Variants in CADPS observed in about 807,000 individuals in gnomAD.
The protein encoded by CADPS is calcium-dependent secretion activator 1.
In CADPS, 57 loss-of-function variants were observed where a neutral mutation model predicts 167.3. The observed-to-expected ratio is 0.34, with a 90% confidence interval of 0.28 to 0.42. The LOEUF is 0.42. Ranked by LOEUF, CADPS falls within the 20% of genes least tolerant of loss-of-function variation. The pLI is 1.00. For missense variants in CADPS, 1,414 were observed against 1,738.1 expected (o/e 0.81, Z 3.32); for synonymous variants, 676 against 635.3 (o/e 1.06, Z -0.96).
intron 3 of CADPS, among the ~76,000 whole-genome samples, chr3:62,721,134 T>TTTTTTTTTTTTTTTAAAAAAAA (rs1564299138): frequency 8.6e-6 from 1 of 116,218 alleles, no homozygotes; most frequent in Non-Finnish European, 1.7e-5. Context: ...TTTTTTTTTT[T>TTTTTTTTTTTTTTTAAAAAAAA]AAAAAAAAAA....
At chr3:62,445,721 A>C (rs953402384) in intron 27 of CADPS, 44 bp downstream of exon 27, 3 of 1,397,886 alleles carry the variant, frequency 2.1e-6, no homozygotes, top group Non-Finnish European at 2.9e-6. Flanking sequence ...TGAAAAAAAA[A>C]AAAAACAAAA....
intron 1 of CADPS, among the ~76,000 whole-genome samples, chr3:62,852,260 C>T (rs1294854198): frequency 1.3e-5 from 2 of 151,798 alleles, no homozygotes; most frequent in East Asian, 3.9e-4. Flanking sequence ...CGTCTGAAGC[C>T]TTCTTCTCTC....
At chr3:62,570,762 G>C in intron 9 of CADPS, 110 bp downstream of exon 9, 1 of 768,714 alleles carries the variant, frequency 1.3e-6, no homozygotes, top group Non-Finnish European at 2.2e-6. Flanking sequence ...AATTCATTAA[G>C]CTAAATGCAT....
In CADPS at chr3:62,438,079, C is replaced by A. The variant is rs547854639; in HGVS notation, c.3777+25G>T. 2 of 1,515,020 alleles carry A rather than the reference C, an allele frequency of 1.3e-6. No individual in the cohort carries two copies. Among genetic ancestry groups the A allele is most frequent in the African/African-American group, 2.7e-5 (2 of 72,804 alleles). The allele number at this position is 1,515,020 out of a possible 1,614,324, so 93.8% of individuals were successfully genotyped here. On this transcript the variant is annotated intron_variant, in intron 28 of 29. Coordinates refer to ENST00000383710, the MANE Select transcript of CADPS (RefSeq NM_003716.4). This position sits in a 1 kb window ranked among gnomAD's most constrained non-coding sequence, Gnocchi z 4.7. ...TTTGGAGGGTCTCCTCCTTGGTTTTCAAGGAGGAGAAGGCATTTACTTACA... is the reference window on the plus strand; with the variant it reads ...TTTGGAGGGTCTCCTCCTTGGTTTTAAAGGAGGAGAAGGCATTTACTTACA...
intron 3 of CADPS, among the ~76,000 whole-genome samples, chr3:62,749,882 T>C (rs1170424995): frequency 6.6e-6 from 1 of 152,236 alleles, no homozygotes; most frequent in Non-Finnish European, 1.5e-5. Flanking sequence ...GGGCACTGTC[T>C]ACTGCCACCG....
intron 1 of CADPS, among the ~76,000 whole-genome samples, chr3:62,867,764 G>A (rs1812677): frequency 0.58 from 88,504 of 151,840 alleles, 26,559 homozygotes; most frequent in African/African-American, 0.67. Context: ...AACAAGAGCT[G>A]ACACTTGTAT....
At chr3:62,761,772 G>A (rs1415085910) in intron 2 of CADPS, among the ~76,000 whole-genome samples, 1 of 152,084 alleles carries the variant, frequency 6.6e-6, no homozygotes, top group Non-Finnish European at 1.5e-5. Flanking sequence ...GGAACACAGA[G>A]AAATGGCTCT....
intron 9 of CADPS, among the ~76,000 whole-genome samples, chr3:62,559,388 A>G (rs2078746142): frequency 6.6e-6 from 1 of 152,186 alleles, no homozygotes; most frequent in Non-Finnish European, 1.5e-5. Context: ...GATTCCAAGT[A>G]CAGTACCAGG....
At chr3:62,742,746 A>G (rs975941974) in intron 3 of CADPS, among the ~76,000 whole-genome samples, 1 of 152,234 alleles carries the variant, frequency 6.6e-6, no homozygotes, top group Non-Finnish European at 1.5e-5. Context: ...CACCAAAAGC[A>G]ATTGCAACAA....
chr3:62,466,308 A>G lies in CADPS; in HGVS notation c.3552+31T>C, dbSNP rs2293588. ...GAGACATAACAAAGCAGTGTTCACA[A>G]TGAAACATTTCACCTGAAGCTGGAG... On this transcript the variant is annotated intron_variant, in intron 25 of 29. Transcript: ENST00000383710. The G allele has an allele frequency of 1.4e-3, 2,091 of 1,475,640 alleles. 24 individuals are homozygous for G. In the Admixed American group the frequency reaches 0.023, roughly 16 times the overall value. 91.4% of individuals were successfully genotyped at this position (1,475,640 alleles called of 1,614,324 possible).
rs1423579913 is a variant in CADPS at position 62,662,406 on chromosome 3, C to A, written c.889-12G>T. ...TCTGGATTGTCCAGCTGCACAAAAGCACAGACATTGAGACTTTTAGTTTGG... is the reference window on the plus strand; with the variant it reads ...TCTGGATTGTCCAGCTGCACAAAAGAACAGACATTGAGACTTTTAGTTTGG... On this transcript the variant is annotated splice_polypyrimidine_tract_variant and intron_variant, in intron 3 of 29. Coordinates refer to ENST00000383710, the MANE Select transcript of CADPS (RefSeq NM_003716.4). 1 of 1,613,232 alleles carries A rather than the reference C, an allele frequency of 6.2e-7. No homozygotes were observed. Among genetic ancestry groups the A allele is most frequent in the East Asian group, 2.2e-5 (1 of 44,826 alleles).
Position 62,412,471 on chromosome 3 carries a change from C to A in CADPS, c.3778-9286G>T, listed in dbSNP as rs1174090343. 6.6e-6 allele frequency among the ~76,000 whole-genome samples: 1 copy of A among 152,044 alleles called. No homozygotes were observed. The highest frequency in any genetic ancestry group is 2.4e-5 in the African/African-American group (1 of 41,420). ...AAATTATTACTGCTTAAAATATTTG[C>A]TGCTTCTGTGGGAAGGTATAAGGGA... On this transcript the variant is annotated intron_variant, in intron 28 of 29. Coordinates refer to ENST00000383710, the MANE Select transcript of CADPS (RefSeq NM_003716.4). This position sits in a 1 kb window ranked among gnomAD's most constrained non-coding sequence, Gnocchi z 4.1.
chr3:62,791,211 T>A (rs1000073594), intron 1 of CADPS, among the ~76,000 whole-genome samples: 4 of 152,192 alleles, frequency 2.6e-5, no homozygotes, highest in African/African-American at 9.6e-5. Flanking sequence ...GCAATGGGAC[T>A]TTTTGGAATG....
At chr3:62,461,042 A>T (rs1254502642) in intron 26 of CADPS, among the ~76,000 whole-genome samples, 1 of 152,138 alleles carries the variant, frequency 6.6e-6, no homozygotes, top group African/African-American at 2.4e-5. Context: ...GGCTACTCCT[A>T]CATCTTTATT....
At chr3:62,564,281 G>A (rs374628796) in intron 9 of CADPS, among the ~76,000 whole-genome samples, 30 of 152,116 alleles carry the variant, frequency 2.0e-4, no homozygotes, top group Admixed American at 5.2e-4. Context: ...GATTACAGGC[G>A]TGAACCACCG....
intron 2 of CADPS, among the ~76,000 whole-genome samples, chr3:62,762,732 G>A (rs1446433885): frequency 6.6e-6 from 1 of 151,756 alleles, no homozygotes; most frequent in African/African-American, 2.4e-5. Flanking sequence ...TTTTATATCA[G>A]GGACTTGAGC....
chr3:62,838,380 T>A (rs955240710), intron 1 of CADPS, among the ~76,000 whole-genome samples: 3 of 152,158 alleles, frequency 2.0e-5, no homozygotes, highest in Non-Finnish European at 4.4e-5. Context: ...ATAAGCCATA[T>A]GATATTCTCA....
At chr3:62,414,929 T>G (rs1168327194) in intron 28 of CADPS, among the ~76,000 whole-genome samples, 3 of 150,736 alleles carry the variant, frequency 2.0e-5, no homozygotes, top group African/African-American at 7.3e-5. Flanking sequence ...TGGGCCTTCC[T>G]CTGGGCCAGA....
chr3:62,714,010 C>G (rs1233016696), intron 3 of CADPS, among the ~76,000 whole-genome samples: 1 of 152,136 alleles, frequency 6.6e-6, no homozygotes, highest in African/African-American at 2.4e-5. Flanking sequence ...GTTCAATCAA[C>G]CTCAGTATTT....
Sources: gnomAD v4.1 joint callset for allele counts (sites outside exome capture counted in the v4.1 genomes callset) on GRCh38, gnomAD v4.1.1 for gene constraint, Gnocchi (gnomAD v3.1) non-coding constraint, MANE v1.5 for transcripts, NCBI Gene and HGNC (gene_info 2026-07-23, HGNC 2026-07-21) for gene names.